Variants in SH2D7 observed in about 807,000 individuals in gnomAD.
SH2D7 encodes the protein SH2 domain containing 7.
Under a neutral mutation model 40.8 loss-of-function variants are expected in SH2D7, and 32 were observed. That is an observed-to-expected ratio of 0.78 (90% CI 0.59 to 1.05). The LOEUF (loss-of-function observed/expected upper bound fraction) is 1.05. SH2D7 is among the 50% of genes least tolerant of loss of function. The pLI is 0.00. For synonymous variants in SH2D7, 195 were observed against 221.5 expected, an observed-to-expected ratio of 0.88 and a Z score of 1.06; for missense variants, 559 against 566.6, an observed-to-expected ratio of 0.99 and a Z score of 0.14.
chr15:78,097,345 C>T (rs2073979664), intron 2 of SH2D7, among the ~76,000 whole-genome samples: 1 of 152,048 alleles, frequency 6.6e-6, no homozygotes, highest in African/African-American at 2.4e-5. Flanking sequence ...GTACACACAT[C>T]ACTGTGTAGA....
At position 78,092,635 on chromosome 15, in the gene SH2D7, A is replaced by G. The variant is rs1208324245; in HGVS notation, c.51A>G (p.Ala17=). Reference sequence around the variant, plus strand: ...GCCTGGGGAGAGATCCTGAGGGGGCAGGGGACAGCCAGGCCCTGGCTGAGC... The same window carrying G: ...GCCTGGGGAGAGATCCTGAGGGGGCGGGGGACAGCCAGGCCCTGGCTGAGC... ...QLSLGRDPEG[A]GDSQALAELQ... Residue 17 remains alanine, a synonymous_variant, in exon 1 of 6, where the codon GCA becomes GCG. Transcript: ENST00000328828. The G allele has an allele frequency of 6.4e-7, 1 of 1,558,856 alleles. No homozygotes were observed.
chr15:78,092,839 C>A (rs2073948124), intron 1 of SH2D7, 79 bp downstream of exon 1: 9 of 1,454,194 alleles, frequency 6.2e-6, no homozygotes, highest in Non-Finnish European at 8.3e-6. Flanking sequence ...AACTCTGGAT[C>A]AGACTGGTTC....
intron 5 of SH2D7, among the ~76,000 whole-genome samples, chr15:78,102,039 C>T (rs1320392644): frequency 6.6e-6 from 1 of 152,224 alleles, no homozygotes; most frequent in East Asian, 1.9e-4. Flanking sequence ...ATTGCTTGAG[C>T]TTGGGAGTTT....
At chr15:78,093,964 T>C in intron 1 of SH2D7, 148 bp from the exon 2 acceptor site, 2 of 678,874 alleles carry the variant, frequency 2.9e-6, no homozygotes, top group East Asian at 2.7e-5. Flanking sequence ...CACAGACCCA[T>C]CCACAGGTCT....
chr15:78,099,431 C>A (rs59074030), intron 4 of SH2D7, among the ~76,000 whole-genome samples: 152 of 151,854 alleles, frequency 1.0e-3, no homozygotes, highest in African/African-American at 3.5e-3. Context: ...CCCCTGCCTG[C>A]GCCTCCTGAG....
At chr15:78,097,476 G>A (rs2073980433) in intron 2 of SH2D7, among the ~76,000 whole-genome samples, 2 of 152,210 alleles carry the variant, frequency 1.3e-5, no homozygotes, top group South Asian at 4.1e-4. Context: ...AGTAGGGTGA[G>A]GTTGAGTTGT....
At position 78,101,152 on chromosome 15, in the gene SH2D7, C is replaced by T. The variant is rs1257409173; in HGVS notation, c.899C>T (p.Ser300Phe). 6.4e-7 allele frequency: 1 copy of T among 1,563,754 alleles called. No homozygotes were observed. Among genetic ancestry groups the T allele is most frequent in the East Asian group, 2.2e-5 (1 of 44,630 alleles). The change falls in exon 5 of 6, where the codon TCT (serine) becomes TTT (phenylalanine). Residue 300 changes from serine to phenylalanine, a missense_variant. Physicochemically the swap from Ser to Phe is radical, Grantham distance 155. Transcript: ENST00000328828. ...NRPDGLGPVL[S>F]GVSPDQGPTE... ...CCTGATGGCCTGGGGCCTGTCCTTT[C>T]TGGGGTGAGCCCAGACCAGGGTCCC...
chr15:78,090,441 G>A (rs540843759), upstream of SH2D7, among the ~76,000 whole-genome samples: 1 of 152,148 alleles, frequency 6.6e-6, no homozygotes, highest in East Asian at 1.9e-4. Context: ...AGAAAGAGCT[G>A]CCCAGATTGA....
chr15:78,102,903 C>G (rs2074026607), intron 5 of SH2D7, among the ~76,000 whole-genome samples: 1 of 152,164 alleles, frequency 6.6e-6, no homozygotes, highest in Non-Finnish European at 1.5e-5. Flanking sequence ...TGCCTGGGCT[C>G]CTGGTGGAAA....
upstream of SH2D7, among the ~76,000 whole-genome samples, chr15:78,092,411 C>T (rs2073944823): frequency 6.6e-6 from 1 of 152,218 alleles, no homozygotes; most frequent in South Asian, 2.1e-4. Context: ...CAAGGTGCCC[C>T]ACCCCAAAGC....
upstream of SH2D7, among the ~76,000 whole-genome samples, chr15:78,091,933 A>C (rs1261270214): frequency 6.6e-6 from 1 of 152,176 alleles, no homozygotes; most frequent in Non-Finnish European, 1.5e-5. Context: ...AATGCAGCCC[A>C]TGTGCTCTCT....
intron 2 of SH2D7, among the ~76,000 whole-genome samples, chr15:78,094,732 A>G (rs1188634008): frequency 6.6e-6 from 1 of 152,144 alleles, no homozygotes; most frequent in Non-Finnish European, 1.5e-5. Flanking sequence ...GATCTGGTTC[A>G]ATGTATTTGC....
chr15:78,101,583 G>A (rs748040444), intron 5 of SH2D7, 25 bp downstream of exon 5: 30 of 1,542,020 alleles, frequency 1.9e-5, no homozygotes, highest in South Asian at 3.8e-5. Flanking sequence ...GGGGTGGGGC[G>A]GCTCCCAGCC....
At position 78,092,971 on chromosome 15, in the gene SH2D7, A is replaced by G. The variant is rs557809253; in HGVS notation, c.176+211A>G. 6.6e-5 allele frequency among the ~76,000 whole-genome samples: 10 copies of G among 152,256 alleles called. No individual in the cohort carries two copies. In the South Asian group the frequency reaches 1.9e-3, roughly 28 times the overall value. ...AGAGTCGGGGAGGGCAACGGCCTCT[A>G]CTTTAGTACAAGTTGAGGATGGCTG... On this transcript the variant is annotated intron_variant, in intron 1 of 5. Coordinates refer to ENST00000328828, the MANE Select transcript of SH2D7 (RefSeq NM_001101404.2).
At chr15:78,100,091 C>G (rs1231431980) in intron 4 of SH2D7, among the ~76,000 whole-genome samples, 2 of 152,234 alleles carry the variant, frequency 1.3e-5, no homozygotes, top group African/African-American at 4.8e-5. Context: ...TATAGCACAT[C>G]AAACCATATT....
chr15:78,093,406 G>T (rs2073951288), intron 1 of SH2D7, among the ~76,000 whole-genome samples: 1 of 152,212 alleles, frequency 6.6e-6, no homozygotes. Context: ...TGAACCAGGG[G>T]CCCCATGTTT....
intron 3 of SH2D7, 68 bp from the exon 4 acceptor site, chr15:78,098,316 T>G: frequency 1.3e-6 from 2 of 1,572,866 alleles, no homozygotes; most frequent in African/African-American, 2.7e-5. Context: ...ACCAGCAGTC[T>G]CAGGCAGGCA....
intron 1 of SH2D7, 45 bp downstream of exon 1, chr15:78,092,805 T>A: frequency 6.5e-7 from 1 of 1,546,724 alleles, no homozygotes; most frequent in Non-Finnish European, 8.8e-7. Context: ...CCACAGCCCC[T>A]TGGGGCTGAG....
rs1329606186 is a variant in SH2D7 at position 78,098,547 on chromosome 15, A to C, written c.596A>C (p.Lys199Thr). 6.2e-7 allele frequency: 1 copy of C among 1,614,006 alleles called. No individual in the cohort carries two copies. The highest frequency in any genetic ancestry group is 1.3e-5 in the African/African-American group (1 of 75,042). ...KPQVSFLHAQ[K>T]SLDVSPRNLS... is the part of the protein sequence containing the mutation. ...CAGGTCTCCTTCCTCCATGCACAGA[A>C]AAGCCTGGATGTGAGTCCCCGGAAC... The change falls in exon 4 of 6, where the codon AAA (lysine) becomes ACA (threonine). Residue 199 changes from lysine (K) to threonine (T), a missense_variant. Transcript: ENST00000328828.
Sources: allele counts gnomAD v4.1 joint callset (sites outside exome capture counted in the v4.1 genomes callset), GRCh38; gene constraint gnomAD v4.1.1; transcripts MANE v1.5; gene names NCBI Gene and HGNC (gene_info 2026-07-23, HGNC 2026-07-21).